Variants in FRMD6 observed in about 807,000 individuals in gnomAD.
The protein encoded by FRMD6 is FERM domain-containing protein 6.
In FRMD6, 37 loss-of-function variants were observed where a neutral mutation model predicts 73.2. The observed-to-expected ratio is 0.51, with a 90% CI of 0.39 to 0.66. The LOEUF is 0.66. Ranked by LOEUF, FRMD6 falls within the 30% of genes least tolerant of loss-of-function variation. FRMD6 has a pLI of 0.00. For missense variants in FRMD6, 714 were observed against 780.5 expected (o/e 0.91, Z 1.02); for synonymous variants, 273 against 282.2 (o/e 0.97, Z 0.33).
At chr14:51,453,401 T>G in the FRMD6 span, among the ~76,000 whole-genome samples, 1 of 152,054 alleles carries the variant, frequency 6.6e-6, no homozygotes. Flanking sequence ...CTGTGGTTAA[T>G]GTCAGGCGGA....
intron 1 of FRMD6, among the ~76,000 whole-genome samples, chr14:51,505,193 C>A (rs1446378838): frequency 6.6e-6 from 1 of 152,148 alleles, no homozygotes; most frequent in East Asian, 1.9e-4. Context: ...ACTTTTCACA[C>A]TATTTAGGAA....
At chr14:51,679,934 AT>A (rs894025510) in intron 1 of FRMD6, among the ~76,000 whole-genome samples, 1 of 152,216 alleles carries the variant, frequency 6.6e-6, no homozygotes, top group Non-Finnish European at 1.5e-5. Flanking sequence ...TAGCGTGAGT[AT>A]GGTGGTAGCA....
chr14:51,427,467 A>T, the FRMD6 span, among the ~76,000 whole-genome samples: 5 of 152,276 alleles, frequency 3.3e-5, no homozygotes, highest in African/African-American at 1.2e-4. Flanking sequence ...GGAGAAGCAC[A>T]TAGAACTTTG....
At chr14:51,628,877 C>CTTTTTTTTTTT (rs371915919) in intron 2 of FRMD6, among the ~76,000 whole-genome samples, 53 of 95,308 alleles carry the variant, frequency 5.6e-4, no homozygotes, top group Non-Finnish European at 7.5e-4. Flanking sequence ...CTTTTCTTTT[C>CTTTTTTTTTTT]TTTTTTTTTT....
At chr14:51,456,401 G>A in the FRMD6 span, among the ~76,000 whole-genome samples, 4 of 152,084 alleles carry the variant, frequency 2.6e-5, no homozygotes, top group African/African-American at 7.2e-5. Flanking sequence ...AACATATGGT[G>A]TTTGGTTTTC....
the FRMD6 span, among the ~76,000 whole-genome samples, chr14:51,465,214 A>G: frequency 6.6e-6 from 1 of 152,258 alleles, no homozygotes; most frequent in Non-Finnish European, 1.5e-5. Context: ...TTTTAGGTTT[A>G]CTAGAATGAT....
chr14:51,656,075 A>G (rs1474863443), intron 1 of FRMD6, among the ~76,000 whole-genome samples: 1 of 152,240 alleles, frequency 6.6e-6, no homozygotes, highest in African/African-American at 2.4e-5. Context: ...TGAAGTTATT[A>G]TGAAGTTTTA....
chr14:51,616,841 A>G (rs577806142), intron 2 of FRMD6, among the ~76,000 whole-genome samples: 1 of 152,258 alleles, frequency 6.6e-6, no homozygotes, highest in South Asian at 2.1e-4. Flanking sequence ...GGAGAAGCAA[A>G]GGAACCAGAT....
At chr14:51,460,465 T>C in the FRMD6 span, among the ~76,000 whole-genome samples, 1 of 152,234 alleles carries the variant, frequency 6.6e-6, no homozygotes, top group African/African-American at 2.4e-5. Context: ...TTCCTAAAAG[T>C]ATAATTACTG....
chr14:51,681,856 T>A (rs959865768), intron 1 of FRMD6, among the ~76,000 whole-genome samples: 1 of 152,248 alleles, frequency 6.6e-6, no homozygotes, highest in African/African-American at 2.4e-5. Context: ...CACTGTTTAC[T>A]GATCAATTTT....
chr14:51,710,279 G>T (rs1307571196), intron 7 of FRMD6, among the ~76,000 whole-genome samples: 2 of 152,208 alleles, frequency 1.3e-5, no homozygotes, highest in African/African-American at 2.4e-5. Flanking sequence ...GAGAAATTCA[G>T]CGGCAGCCAT....
At chr14:51,454,919 T>G in the FRMD6 span, 1 of 152,322 alleles carries the variant, frequency 6.6e-6, no homozygotes, top group African/African-American at 2.4e-5. Flanking sequence ...ATCCCATGAA[T>G]TGAGCAAAGA....
rs558239465 is a variant in FRMD6, at chr14:51,564,043, C to T, written c.-209-6305C>T. Among the ~76,000 whole-genome samples the T allele has an allele frequency of 7.9e-4, 120 of 152,288 alleles. 1 individual carries two copies. Among genetic ancestry groups the T allele is most frequent in the African/African-American group, 2.7e-3 (112 of 41,564 alleles). ...TTCTTTCTGGGTATGCAGCTAGGTACTGATTTCATTTATTACAGCTCTGGT... is the reference window on the plus strand; with the variant it reads ...TTCTTTCTGGGTATGCAGCTAGGTATTGATTTCATTTATTACAGCTCTGGT... On this transcript the variant is annotated intron_variant, in intron 1 of 14. Coordinates refer to the FRMD6 transcript ENST00000356218.
chr14:51,722,584 G>T (rs946837932), intron 12 of FRMD6, among the ~76,000 whole-genome samples: 1 of 152,094 alleles, frequency 6.6e-6, no homozygotes, highest in African/African-American at 2.4e-5. Flanking sequence ...GACCTAAAAA[G>T]ACACTCTTAA....
chr14:51,430,344 TC>T, the FRMD6 span, among the ~76,000 whole-genome samples: 1 of 152,206 alleles, frequency 6.6e-6, no homozygotes, highest in East Asian at 1.9e-4. Context: ...CTCACTTCCT[TC>T]AGCTCCTGTT....
intron 1 of FRMD6, among the ~76,000 whole-genome samples, chr14:51,508,387 G>A (rs1884099499): frequency 1.3e-5 from 2 of 152,320 alleles, no homozygotes; most frequent in East Asian, 1.9e-4. Context: ...TTGTGAACAG[G>A]GGAAGAAGCC....
At chr14:51,413,750 G>A in the FRMD6 span, among the ~76,000 whole-genome samples, 1 of 152,120 alleles carries the variant, frequency 6.6e-6, no homozygotes, top group Admixed American at 6.5e-5. Flanking sequence ...TTCCACAATG[G>A]TTGAACTAGT....
intron 1 of FRMD6, among the ~76,000 whole-genome samples, chr14:51,501,780 G>C (rs1191119747): frequency 6.6e-6 from 1 of 152,016 alleles, no homozygotes; most frequent in Admixed American, 6.5e-5. Flanking sequence ...TCTGCCTCTG[G>C]GTCTTTGAGG....
chr14:51,531,742 C>T (rs530489158), intron 1 of FRMD6, among the ~76,000 whole-genome samples: 24 of 152,324 alleles, frequency 1.6e-4, no homozygotes, highest in African/African-American at 5.3e-4. Context: ...GAAGTTCTTT[C>T]ATGGTCTTTG....
Sources: gnomAD v4.1 joint callset for allele counts (sites outside exome capture counted in the v4.1 genomes callset) on GRCh38, gnomAD v4.1.1 for gene constraint, MANE v1.5 for transcripts, NCBI Gene and HGNC (gene_info 2026-07-23, HGNC 2026-07-21) for gene names.